Variants in COLGALT2 observed in about 807,000 individuals in gnomAD.
The protein encoded by COLGALT2 is collagen beta(1-O)galactosyltransferase 2.
A neutral mutation model predicts 73.4 loss-of-function variants in COLGALT2; 49 were observed. That is an observed-to-expected ratio of 0.67 (90% CI 0.53 to 0.85). The LOEUF is 0.85. Ranked by LOEUF, COLGALT2 falls within the 40% of genes least tolerant of loss-of-function variation. COLGALT2 has a pLI of 0.00. For missense variants in COLGALT2, 722 were observed against 790.2 expected (o/e 0.91, Z 1.03); for synonymous variants, 295 against 307.6 (o/e 0.96, Z 0.43).
At chr1:184,013,626 C>T (rs1310350588) in intron 1 of COLGALT2, among the ~76,000 whole-genome samples, 1 of 152,094 alleles carries the variant, frequency 6.6e-6, no homozygotes, top group Non-Finnish European at 1.5e-5. Context: ...CCTTGCATGC[C>T]ATTCCAAGGT....
intron 1 of COLGALT2, among the ~76,000 whole-genome samples, chr1:183,994,671 T>G (rs1161703583): frequency 1.3e-5 from 2 of 151,764 alleles, no homozygotes; most frequent in Non-Finnish European, 2.9e-5. Context: ...GCCAGGCTGG[T>G]CTCAAACTCC....
intron 1 of COLGALT2, among the ~76,000 whole-genome samples, chr1:184,029,337 C>T (rs1447301665): frequency 2.0e-5 from 3 of 152,230 alleles, no homozygotes; most frequent in African/African-American, 4.8e-5. Context: ...AGGTCACTCG[C>T]TGGCAGCTTG....
rs2102785505 is a variant in COLGALT2, at chr1:183,938,463, G to A, written c.*298C>T. 8.3e-7 allele frequency: 1 copy of A among 1,210,364 alleles called. No homozygotes were observed. Among genetic ancestry groups the A allele is most frequent in the South Asian group, 2.2e-5 (1 of 45,688 alleles). The allele number at this position is 1,210,364 out of a possible 1,614,324, so 75.0% of individuals were successfully genotyped here. ...GAGCCATGTTGTTCAACCTTAATGT[G>A]GGAATCAGTATCACATGAGTAGTGA... On this transcript the variant is annotated 3_prime_UTR_variant, in exon 12 of 12. Transcript: ENST00000361927.
chr1:183,937,032 C>A lies in COLGALT2; in HGVS notation c.*1729G>T. On this transcript the variant is annotated 3_prime_UTR_variant, in exon 12 of 12. Coordinates refer to ENST00000361927, the MANE Select transcript of COLGALT2 (RefSeq NM_015101.4). ...TCTCTAGACTCTGAGCCATGCTGTT[C>A]AACCTTAATGTGGCAATCAGTATCA... 1 of 1,231,698 alleles carries A rather than the reference C, an allele frequency of 8.1e-7. No homozygotes were observed. Among genetic ancestry groups the A allele is most frequent in the South Asian group, 4.1e-5 (1 of 24,278 alleles). 76.3% of individuals were successfully genotyped at this position (1,231,698 alleles called of 1,614,324 possible).
In COLGALT2 at chr1:183,948,697, A is replaced by T. The variant is rs142074079; in HGVS notation, c.1136+2310T>A. On this transcript the variant is annotated intron_variant, in intron 8 of 11. Coordinates refer to ENST00000361927, the MANE Select transcript of COLGALT2 (RefSeq NM_015101.4). ...ACTGCACTCAACAGTTCTATTCAACATTGTACTTGATGATCCAGCAAGGGT... is the reference window on the plus strand; with the variant it reads ...ACTGCACTCAACAGTTCTATTCAACTTTGTACTTGATGATCCAGCAAGGGT... Among the ~76,000 whole-genome samples, 371 of 152,284 alleles carry T rather than the reference A, an allele frequency of 2.4e-3. 2 individuals are homozygous for T. Among genetic ancestry groups the T allele is most frequent in the African/African-American group, 8.4e-3 (349 of 41,570 alleles).
At chr1:183,954,092 G>A (rs565710233) in intron 7 of COLGALT2, among the ~76,000 whole-genome samples, 1 of 152,314 alleles carries the variant, frequency 6.6e-6, no homozygotes, top group South Asian at 2.1e-4. Flanking sequence ...ACACCCATGA[G>A]AGAGTCAGTG....
rs1670017126 is a variant in COLGALT2 at position 183,938,365 on chromosome 1, T to C, written c.*396A>G. 2.9e-6 allele frequency: 3 copies of C among 1,035,862 alleles called. No homozygotes were observed. Among genetic ancestry groups the C allele is most frequent in the Middle Eastern group, 4.8e-4 (1 of 2,098 alleles). 64.2% of individuals were successfully genotyped at this position (1,035,862 alleles called of 1,614,324 possible). On this transcript the variant is annotated 3_prime_UTR_variant, in exon 12 of 12. Transcript: ENST00000361927. ...AACTAGACCAATAAGTGTGGTCTAG[T>C]TGGCCTGGCTGCCTTGACTACATAT...
At chr1:183,948,851 T>C (rs903234391) in intron 8 of COLGALT2, among the ~76,000 whole-genome samples, 1 of 152,120 alleles carries the variant, frequency 6.6e-6, no homozygotes, top group African/African-American at 2.4e-5. Flanking sequence ...AAGGAAAAAG[T>C]ACTATTAGAA....
intron 11 of COLGALT2, among the ~76,000 whole-genome samples, chr1:183,930,569 C>CTTTTTTTTTTTTTTTTTTTTTT (rs397861890): frequency 8.8e-6 from 1 of 114,066 alleles, no homozygotes; most frequent in African/African-American, 3.4e-5. Context: ...TTTTCTTTTT[C>CTTTTTTTTTTTTTTTTTTTTTT]TTTTTTTTTT....
In COLGALT2 at chr1:183,963,787, G is replaced by C. The variant is rs905877512; in HGVS notation, c.952+114C>G. The C allele has an allele frequency of 7.9e-6, 9 of 1,142,002 alleles. No individual in the cohort carries two copies. In the African/African-American group the frequency reaches 1.4e-4, roughly 18 times the overall value. The allele number at this position is 1,142,002 out of a possible 1,614,324, so 70.7% of individuals were successfully genotyped here. Reference sequence around the variant, plus strand: ...GAACAAATAAATAGCTATGTATTCAGCCAGGGGAGACTGATGGCTGTGAGA... The same window carrying C: ...GAACAAATAAATAGCTATGTATTCACCCAGGGGAGACTGATGGCTGTGAGA... On this transcript the variant is annotated intron_variant, in intron 6 of 11. Coordinates refer to ENST00000361927, the MANE Select transcript of COLGALT2 (RefSeq NM_015101.4).
At chr1:183,985,519 C>T (rs989750233) in intron 1 of COLGALT2, among the ~76,000 whole-genome samples, 2 of 152,118 alleles carry the variant, frequency 1.3e-5, no homozygotes, top group Admixed American at 6.6e-5. Context: ...GTGATCCACC[C>T]GCCTCAACCT....
At chr1:183,964,166 A>T in intron 5 of COLGALT2, 146 bp from the exon 6 acceptor site, 1 of 713,714 alleles carries the variant, frequency 1.4e-6, no homozygotes. Flanking sequence ...CTATAGACCT[A>T]AAAAATGCTC....
At chr1:183,987,228 C>T (rs527970378) in intron 1 of COLGALT2, among the ~76,000 whole-genome samples, 20 of 152,300 alleles carry the variant, frequency 1.3e-4, no homozygotes, top group African/African-American at 4.1e-4. Flanking sequence ...TTCCTGTTTT[C>T]GTTCTCCTTT....
chr1:183,937,917 C>T lies in COLGALT2; in HGVS notation c.*844G>A, dbSNP rs750548876. On this transcript the variant is annotated 3_prime_UTR_variant, in exon 12 of 12. Transcript: ENST00000361927. ...GAGAGCGTGAAGCTCTGTAGCAGCG[C>T]GCAAACCCGGGACAGGGCAGGATGC... The T allele has an allele frequency of 1.9e-5, 19 of 985,306 alleles. 1 individual carries two copies. The highest frequency in any genetic ancestry group is 1.0e-3 in the Middle Eastern group (2 of 1,936). 61.0% of individuals were successfully genotyped at this position (985,306 alleles called of 1,614,324 possible).
intron 1 of COLGALT2, among the ~76,000 whole-genome samples, chr1:184,002,086 T>C (rs1203393547): frequency 1.3e-5 from 2 of 152,256 alleles, no homozygotes. Flanking sequence ...TTGCTGCTAC[T>C]GAAAGCAAAC....
intron 1 of COLGALT2, among the ~76,000 whole-genome samples, chr1:183,992,995 C>G (rs950872313): frequency 1.3e-5 from 2 of 152,146 alleles, no homozygotes; most frequent in Non-Finnish European, 2.9e-5. Context: ...TCCTCAAGCC[C>G]AGGACAGTGC....
chr1:183,938,074 A>C lies in COLGALT2; in HGVS notation c.*687T>G, dbSNP rs1440487677. The C allele has an allele frequency of 3.5e-5, 34 of 985,414 alleles. 1 individual carries two copies. The African/African-American group carries it at 4.9e-4, about 14-fold the overall frequency. The allele number at this position is 985,414 out of a possible 1,614,324, so 61.0% of individuals were successfully genotyped here. A position where few individuals can be genotyped will look rare whatever the true frequency, so the allele number is the denominator to read the frequency against. On this transcript the variant is annotated 3_prime_UTR_variant, in exon 12 of 12. Transcript: ENST00000361927. ...TACCTACACAAACTGTCAAATATCTACTAAATTATATCCACATGGCAAACT... is the reference window on the plus strand; with the variant it reads ...TACCTACACAAACTGTCAAATATCTCCTAAATTATATCCACATGGCAAACT...
At chr1:183,953,934 A>G (rs909928522) in intron 7 of COLGALT2, among the ~76,000 whole-genome samples, 1 of 152,224 alleles carries the variant, frequency 6.6e-6, no homozygotes, top group Admixed American at 6.5e-5. Flanking sequence ...CCTTCGATTA[A>G]TCAGTGGCAA....
chr1:183,967,414 A>T (rs961221703), intron 5 of COLGALT2, among the ~76,000 whole-genome samples: 9 of 152,170 alleles, frequency 5.9e-5, no homozygotes, highest in Non-Finnish European at 1.3e-4. Context: ...TGAGTCACCA[A>T]ACAACTTTGG....
Sources: allele counts gnomAD v4.1 joint callset (sites outside exome capture counted in the v4.1 genomes callset), GRCh38; gene constraint gnomAD v4.1.1; transcripts MANE v1.5; gene names NCBI Gene and HGNC (gene_info 2026-07-23, HGNC 2026-07-21).